The following MS4A12 variants were observed in gnomAD, a reference collection of about 807,000 sequenced individuals.
MS4A12 encodes the protein membrane spanning 4-domains A12.
A neutral mutation model predicts 23.7 loss-of-function variants in MS4A12; 28 were observed. That is an observed-to-expected ratio of 1.18 (90% CI 0.88 to 1.62). MS4A12 has a LOEUF of 1.62. MS4A12 is among the 40% of genes most tolerant of loss of function. MS4A12 has a pLI of 0.00. For missense variants in MS4A12, 342 were observed against 327.0 expected (o/e 1.05, Z -0.35); for synonymous variants, 108 against 110.1 (o/e 0.98, Z 0.12).
intron 2 of MS4A12, among the ~76,000 whole-genome samples, chr11:60,499,013 T>A (rs1169118970): frequency 1.3e-5 from 2 of 152,216 alleles, no homozygotes; most frequent in Non-Finnish European, 2.9e-5. Context: ...TGGCTTTGAC[T>A]GGGTGGATGA....
chr11:60,505,182 G>A lies in MS4A12; in HGVS notation c.588+1365G>A, dbSNP rs563820894. ...TCACAATCATGGCAGAAGGCAAGGA[G>A]GAGCAAGTCACATCTTATATGGATG... On this transcript the variant is annotated intron_variant, in intron 5 of 6. Transcript: ENST00000016913. Among the ~76,000 whole-genome samples, 5 of 152,264 alleles carry A rather than the reference G, an allele frequency of 3.3e-5. No individual in the cohort carries two copies. The South Asian group carries it at 1.0e-3, about 32-fold the overall frequency.
rs1444387860 is a variant in MS4A12 at position 60,507,250 on chromosome 11, T to G, written c.*126T>G. The G allele has an allele frequency of 2.6e-6, 2 of 784,248 alleles. No individual in the cohort carries two copies. The highest frequency in any genetic ancestry group is 1.7e-5 in the African/African-American group (1 of 57,338). 48.6% of individuals were successfully genotyped at this position (784,248 alleles called of 1,614,324 possible). A position where few individuals can be genotyped will look rare whatever the true frequency, so the allele number is the denominator to read the frequency against. ...TAAAAACTGTGTTTGAGATTTGTTTTTAGGTTGGTCGCTAATGATGGCTGT... is the reference window on the plus strand; with the variant it reads ...TAAAAACTGTGTTTGAGATTTGTTTGTAGGTTGGTCGCTAATGATGGCTGT... On this transcript the variant is annotated 3_prime_UTR_variant, in exon 7 of 7. Transcript: ENST00000016913.
chr11:60,493,268 C>T (rs1388538559), intron 1 of MS4A12, among the ~76,000 whole-genome samples: 19 of 151,168 alleles, frequency 1.3e-4, no homozygotes, highest in Admixed American at 7.3e-4. Flanking sequence ...CCCAGCTACT[C>T]GGGGGGCTGA....
chr11:60,494,964 A>C (rs7938245), intron 1 of MS4A12, among the ~76,000 whole-genome samples: 2,218 of 151,792 alleles, frequency 0.015, 52 homozygotes, highest in African/African-American at 0.05. Context: ...TCCTTGTTTA[A>C]AATAAACTTT....
Position 60,497,542 on chromosome 11 carries a change from C to G in MS4A12, c.224C>G (p.Pro75Arg), listed in dbSNP as rs748869001. 57 of 1,613,918 alleles carry G rather than the reference C, an allele frequency of 3.5e-5. 1 individual carries two copies. The South Asian group carries it at 6.3e-4, about 18-fold the overall frequency. ...CAAGGAAATATACAAATGATAAATCCAAGTGTGGGAACAGCAGTAATGAAC... is the reference window on the plus strand; with the variant it reads ...CAAGGAAATATACAAATGATAAATCGAAGTGTGGGAACAGCAGTAATGAAC... ...PGQGNIQMIN[P>R]SVGTAVMNFK... Residue 75 changes from proline to arginine, a missense_variant, in exon 2 of 7, where the codon CCA (proline) becomes CGA (arginine). Pro to Arg is a moderately radical substitution (Grantham distance 103). Coordinates refer to ENST00000016913, the MANE Select transcript of MS4A12 (RefSeq NM_017716.3).
intron 1 of MS4A12, 28 bp from the exon 2 acceptor site, chr11:60,497,285 T>C (rs761301413): frequency 4.5e-6 from 7 of 1,567,548 alleles, no homozygotes; most frequent in South Asian, 1.2e-5. Context: ...GATAAACGTA[T>C]CACTTTTGTA....
At chr11:60,500,251 C>T (rs7943952) in intron 2 of MS4A12, among the ~76,000 whole-genome samples, 1 of 100,624 alleles carries the variant, frequency 9.9e-6, no homozygotes, top group African/African-American at 3.8e-5. Context: ...AAAAAAAAAC[C>T]AAAAAAAAAC....
rs546001592 is a variant in MS4A12 at position 60,501,091 on chromosome 11, T to C, written c.323T>C (p.Val108Ala). The C allele has an allele frequency of 1.9e-6, 3 of 1,613,288 alleles. No individual in the cohort carries two copies. The highest frequency in any genetic ancestry group is 2.5e-6 in the Non-Finnish European group (3 of 1,179,722). The change falls in exon 3 of 7, where the codon GTT becomes GCT. Residue 108 changes from valine to alanine, a missense_variant. Val to Ala is a moderately conservative substitution (Grantham distance 64). Transcript: ENST00000016913. ...TTGATGCACATTGGTTTTGGAATTG[T>C]TTTGTGTTTAATATCCTTCTCTTTT... ...VGLMHIGFGIVLCLISFSFRE... is the reference protein window; with the variant it reads ...VGLMHIGFGIALCLISFSFRE...
intron 1 of MS4A12, 40 bp from the exon 2 acceptor site, chr11:60,497,272 CT>C: frequency 6.5e-7 from 1 of 1,534,392 alleles, no homozygotes; most frequent in Non-Finnish European, 8.8e-7. Context: ...AGTTTCTTTT[CT>C]GGATAAACGT....
Position 60,501,055 on chromosome 11 carries a change from T to C in MS4A12, c.287T>C (p.Ile96Thr). The change falls in exon 3 of 7, where the codon ATC becomes ACC. Residue 96 changes from isoleucine (I) to threonine (T), a missense_variant. By Grantham distance (89) the Ile-to-Thr change is moderately conservative. Coordinates refer to ENST00000016913, the MANE Select transcript of MS4A12 (RefSeq NM_017716.3). ...EEAKALGVIQ[I>T]MVGLMHIGFG... ...GTTTTCTTTTTTCAGGTGATCCAGA[T>C]CATGGTTGGATTGATGCACATTGGT... is the stretch of plus-strand genomic sequence containing the variant. 6.2e-7 allele frequency: 1 copy of C among 1,602,874 alleles called. No individual in the cohort carries two copies. Among genetic ancestry groups the C allele is most frequent in the South Asian group, 1.1e-5 (1 of 88,360 alleles).
rs952821970 is a variant in MS4A12 at position 60,507,344 on chromosome 11, T to C, written c.*220T>C. The C allele has an allele frequency of 1.0e-5, 5 of 491,372 alleles. No homozygotes were observed. Among genetic ancestry groups the C allele is most frequent in the Non-Finnish European group, 1.8e-5 (5 of 277,888 alleles). 30.4% of individuals were successfully genotyped at this position (491,372 alleles called of 1,614,324 possible). A position where few individuals can be genotyped will look rare whatever the true frequency, so the allele number is the denominator to read the frequency against. ...TGGCAAAGGTGAAGGATCAGAGGACTGAAAAATGATTCTGCAACTCTCTTA... is the reference window on the plus strand; with the variant it reads ...TGGCAAAGGTGAAGGATCAGAGGACCGAAAAATGATTCTGCAACTCTCTTA... On this transcript the variant is annotated 3_prime_UTR_variant, in exon 7 of 7. Coordinates refer to ENST00000016913, the MANE Select transcript of MS4A12 (RefSeq NM_017716.3).
rs1364378175 is a variant in MS4A12, at chr11:60,502,056, C to G, written c.471+17C>G. 2.5e-6 allele frequency: 4 copies of G among 1,598,766 alleles called. No individual in the cohort carries two copies. Among genetic ancestry groups the G allele is most frequent in the South Asian group, 1.1e-5 (1 of 90,574 alleles). ...CGTTGTCTGGTAAGTTAGACTGTCT[C>G]TACTTTTTGAACCCCTTTAAAGATT... is the stretch of plus-strand genomic sequence containing the variant. On this transcript the variant is annotated intron_variant, in intron 4 of 6. Coordinates refer to ENST00000016913, the MANE Select transcript of MS4A12 (RefSeq NM_017716.3).
intron 1 of MS4A12, among the ~76,000 whole-genome samples, chr11:60,493,810 A>G (rs976590759): frequency 1.3e-5 from 2 of 152,204 alleles, no homozygotes; most frequent in African/African-American, 2.4e-5. Context: ...GGTAGAAAGA[A>G]ACTATAAAGA....
chr11:60,503,743 G>A lies in MS4A12; in HGVS notation c.514G>A (p.Ala172Thr). ...AATGAACATTGTTAGTTCTATCTTG[G>A]CCTTCATTGGAGTGATTCTGCTGCT... ...LGMNIVSSIL[A>T]FIGVILLLVD... Residue 172 changes from alanine to threonine, a missense_variant, in exon 5 of 7, where the codon GCC (alanine) becomes ACC (threonine). Physicochemically the swap from Ala to Thr is moderately conservative, Grantham distance 58 (BLOSUM62 0). Transcript: ENST00000016913. 1 of 1,613,746 alleles carries A rather than the reference G, an allele frequency of 6.2e-7. No homozygotes were observed. Among genetic ancestry groups the A allele is most frequent in the Non-Finnish European group, 8.5e-7 (1 of 1,179,814 alleles).
In MS4A12 at chr11:60,506,826, C is replaced by T. The variant is rs1452299840; in HGVS notation, c.687C>T (p.Thr229=). The T allele has an allele frequency of 6.8e-6, 11 of 1,612,870 alleles. No individual in the cohort carries two copies. Among genetic ancestry groups the T allele is most frequent in the Non-Finnish European group, 9.3e-6 (11 of 1,178,942 alleles). The change falls in exon 6 of 7, where the codon ACC becomes ACT. Residue 229 remains threonine (T), a synonymous_variant. Transcript: ENST00000016913. Reference sequence around the variant, plus strand: ...CCCATTTTGCCAACCAAGCAAACACCACAACCAATATGGTGAGTTGGGTCT... The same window carrying T: ...CCCATTTTGCCAACCAAGCAAACACTACAACCAATATGGTGAGTTGGGTCT... ...ATAHFANQAN[T]TTNMSVLVIP... is the part of the protein sequence containing the mutation.
chr11:60,492,872 A>G (rs1383493048), intron 1 of MS4A12, 44 bp downstream of exon 1: 1 of 152,230 alleles, frequency 6.6e-6, no homozygotes, highest in Non-Finnish European at 1.5e-5. Flanking sequence ...CTCCAAATCA[A>G]TGGGCACAAA....
intron 5 of MS4A12, 30 bp from the exon 6 acceptor site, chr11:60,506,698 C>G (rs1040028620): frequency 3.1e-6 from 5 of 1,600,844 alleles, no homozygotes; most frequent in Non-Finnish European, 4.3e-6. Flanking sequence ...CCTGATTAGC[C>G]AAAATTTCAC....
At chr11:60,500,247 A>T (rs2086520374) in intron 2 of MS4A12, among the ~76,000 whole-genome samples, 1 of 150,788 alleles carries the variant, frequency 6.6e-6, no homozygotes, top group Non-Finnish European at 1.5e-5. Context: ...TCTCAAAAAA[A>T]AACCAAAAAA....
chr11:60,499,713 A>G, intron 2 of MS4A12, among the ~76,000 whole-genome samples: 1 of 152,248 alleles, frequency 6.6e-6, no homozygotes, highest in East Asian at 1.9e-4. Context: ...TATTTATTGA[A>G]GAAATAAATA....
Sources: gnomAD v4.1 joint callset for allele counts (sites outside exome capture counted in the v4.1 genomes callset) on GRCh38, gnomAD v4.1.1 for gene constraint, MANE v1.5 for transcripts, NCBI Gene and HGNC (gene_info 2026-07-23, HGNC 2026-07-21) for gene names.